The following LRRC37A2 variants were observed in gnomAD, a reference collection of about 807,000 sequenced individuals.
The protein encoded by LRRC37A2 is leucine-rich repeat-containing protein 37A2.
A neutral mutation model predicts 68.8 loss-of-function variants in LRRC37A2; 9 were observed. That is an observed-to-expected ratio of 0.13 (90% confidence interval 0.08 to 0.23). LRRC37A2 has a LOEUF of 0.23. Among genes scored for constraint, LRRC37A2 ranks in the 10% least tolerant of loss-of-function variants. LRRC37A2 has a pLI of 1.00. For synonymous variants in LRRC37A2, 63 were observed against 367.6 expected (o/e 0.17, Z 9.48); for missense variants, 168 against 950.4 (o/e 0.18, Z 10.82).
At chr17:47,023,721 C>G in the LRRC37A2 span, among the ~76,000 whole-genome samples, 14,775 of 150,818 alleles carry the variant, frequency 0.098, 966 homozygotes, top group Middle Eastern at 0.18. Flanking sequence ...CAGCCTCCCG[C>G]GTAGCTGGAA....
At chr17:46,877,619 G>C in the LRRC37A2 span, among the ~76,000 whole-genome samples, 1 of 152,308 alleles carries the variant, frequency 6.6e-6, no homozygotes, top group African/African-American at 2.4e-5. Context: ...ACAGCTTCCT[G>C]GTGCCTGGCA....
chr17:46,836,750 A>G, the LRRC37A2 span, among the ~76,000 whole-genome samples: 1 of 152,130 alleles, frequency 6.6e-6, no homozygotes, highest in East Asian at 1.9e-4. Context: ...TCATGGGGTG[A>G]TGTCTTGGTT....
At chr17:46,851,676 G>A in the LRRC37A2 span, 3 of 1,307,258 alleles carry the variant, frequency 2.3e-6, no homozygotes, top group Non-Finnish European at 1.9e-6. This position sits in a 1 kb window ranked among gnomAD's most constrained non-coding sequence, Gnocchi z 4.3. Context: ...GCCGGGCTCT[G>A]CCTGCTGGCG....
the LRRC37A2 span, among the ~76,000 whole-genome samples, chr17:46,812,143 T>G: frequency 6.6e-6 from 1 of 151,812 alleles, no homozygotes; most frequent in South Asian, 2.1e-4. Context: ...TTTCCCACCT[T>G]CTCCACTCCC....
the LRRC37A2 span, among the ~76,000 whole-genome samples, chr17:46,826,959 T>C: frequency 2.1e-4 from 32 of 152,134 alleles, no homozygotes; most frequent in African/African-American, 7.5e-4. Context: ...GTAGTTTTAA[T>C]AGAGATAGAA....
At chr17:46,905,780 TTGTGTGTG>T in the LRRC37A2 span, among the ~76,000 whole-genome samples, 1 of 117,048 alleles carries the variant, frequency 8.5e-6, no homozygotes, top group African/African-American at 3.2e-5. Context: ...CTCTGTGTGT[TTGTGTGTG>T]TGTGTGTGTG....
the LRRC37A2 span, chr17:46,833,357 G>C: frequency 4.2e-5 from 22 of 518,372 alleles, no homozygotes; most frequent in African/African-American, 7.7e-5. Context: ...TGAAAGGACG[G>C]GCAGTTTCTT....
At chr17:46,991,854 C>T in the LRRC37A2 span, among the ~76,000 whole-genome samples, 1 of 152,204 alleles carries the variant, frequency 6.6e-6, no homozygotes, top group African/African-American at 2.4e-5. Flanking sequence ...TCTGTGGCTG[C>T]TTTTTTGCCA....
chr17:46,976,126 C>T, the LRRC37A2 span, among the ~76,000 whole-genome samples: 2 of 151,790 alleles, frequency 1.3e-5, no homozygotes, highest in Non-Finnish European at 2.9e-5. Context: ...CCGGGTTTCA[C>T]TGTGTTAGCC....
the LRRC37A2 span, chr17:46,978,730 A>G: frequency 6.2e-7 from 1 of 1,612,346 alleles, no homozygotes; most frequent in Non-Finnish European, 8.5e-7. Context: ...CTCGGACTTG[A>G]TGAGCAGGTT....
At chr17:47,021,777 G>T in the LRRC37A2 span, 1 of 1,028,802 alleles carries the variant, frequency 9.7e-7, no homozygotes, top group Non-Finnish European at 1.5e-6. Context: ...CAACAAGGTT[G>T]CAATGATTCT....
the LRRC37A2 span, among the ~76,000 whole-genome samples, chr17:46,926,734 A>G: frequency 6.6e-6 from 1 of 152,124 alleles, no homozygotes; most frequent in Non-Finnish European, 1.5e-5. Context: ...TTTCATATTT[A>G]TGTTTTCTTA....
At chr17:46,771,711 G>A in the LRRC37A2 span, among the ~76,000 whole-genome samples, 1 of 141,874 alleles carries the variant, frequency 7.0e-6, no homozygotes, top group Non-Finnish European at 1.6e-5. Flanking sequence ...CCGCGCCCCC[G>A]GCCCCGGCGC....
At chr17:46,711,876 AAAAGTCCTGGGCAGGAAGGAGCTTG>A in the LRRC37A2 span, among the ~76,000 whole-genome samples, 1 of 152,306 alleles carries the variant, frequency 6.6e-6, no homozygotes, top group South Asian at 2.1e-4. Flanking sequence ...GAGCATGTGA[AAAAGTCCTGGGCAGGAAGGAGCTTG>A]AAAGAGAAAG....
chr17:46,714,088 A>G, the LRRC37A2 span: 5 of 1,259,270 alleles, frequency 4.0e-6, no homozygotes, highest in African/African-American at 3.1e-5. Context: ...ACCCATAGCA[A>G]CTATGTTCTT....
the LRRC37A2 span, among the ~76,000 whole-genome samples, chr17:46,808,589 G>T: frequency 7.9e-5 from 12 of 152,164 alleles, no homozygotes; most frequent in Non-Finnish European, 1.5e-4. Flanking sequence ...AAACTGGCAA[G>T]AATTAGATTC....
chr17:46,728,426 T>C, the LRRC37A2 span, among the ~76,000 whole-genome samples: 1 of 151,998 alleles, frequency 6.6e-6, no homozygotes, highest in Non-Finnish European at 1.5e-5. Context: ...AGAAAAAACA[T>C]CTACATGAAC....
chr17:46,449,759 T>C, the LRRC37A2 span, among the ~76,000 whole-genome samples: 494 of 105,810 alleles, frequency 4.7e-3, 9 homozygotes, highest in Middle Eastern at 0.049. Flanking sequence ...GATTTTCTTT[T>C]TTTTTTTTTT....
chr17:46,972,714 C>A, the LRRC37A2 span, among the ~76,000 whole-genome samples: 1 of 152,170 alleles, frequency 6.6e-6, no homozygotes, highest in African/African-American at 2.4e-5. Context: ...AACCCTGTAC[C>A]CCACTGGCTG....
Sources: gnomAD v4.1 joint callset for allele counts (sites outside exome capture counted in the v4.1 genomes callset) on GRCh38, gnomAD v4.1.1 for gene constraint, Gnocchi (gnomAD v3.1) non-coding constraint, MANE v1.5 for transcripts, NCBI Gene and HGNC (gene_info 2026-07-23, HGNC 2026-07-21) for gene names.